The following CORO1C variants were observed in gnomAD, a reference collection of about 807,000 sequenced individuals.
The protein encoded by CORO1C is coronin 1C, also known as coronin-1C.
In CORO1C, 14 loss-of-function variants were observed where a neutral mutation model predicts 51.2. That is an observed-to-expected ratio of 0.27 (90% confidence interval 0.18 to 0.43). The LOEUF is 0.43. Ranked by LOEUF, CORO1C falls within the 20% of genes least tolerant of loss-of-function variation. CORO1C has a pLI of 1.00. For synonymous variants in CORO1C, 181 were observed against 210.5 expected, an observed-to-expected ratio of 0.86 and a Z score of 1.21; for missense variants, 417 against 607.8, an observed-to-expected ratio of 0.69 and a Z score of 3.30.
At chr12:108,652,211 G>A (rs2032705146) in intron 8 of CORO1C, 61 bp downstream of exon 8, 2 of 1,514,104 alleles carry the variant, frequency 1.3e-6, no homozygotes, top group Non-Finnish European at 1.8e-6. Flanking sequence ...GCTAGTCCAA[G>A]TACAAATAAT....
chr12:108,678,164 G>A (rs1460235869), intron 3 of CORO1C, 108 bp downstream of exon 3: 52 of 917,652 alleles, frequency 5.7e-5, no homozygotes, highest in Non-Finnish European at 7.7e-5. Flanking sequence ...CTGCTATAAC[G>A]TTCTGCTTTT....
intron 3 of CORO1C, among the ~76,000 whole-genome samples, chr12:108,666,408 G>A (rs187308846): frequency 2.9e-4 from 44 of 152,224 alleles, no homozygotes; most frequent in Non-Finnish European, 4.1e-4. Flanking sequence ...TGTTCTCTAC[G>A]GTGGACTGTG....
intron 2 of CORO1C, among the ~76,000 whole-genome samples, chr12:108,689,031 A>AG (rs1273830048): frequency 1.1e-5 from 1 of 89,450 alleles, no homozygotes; most frequent in Admixed American, 1.3e-4. Flanking sequence ...ACTCTGTCTC[A>AG]GAAAAAAAAA....
intron 2 of CORO1C, among the ~76,000 whole-genome samples, chr12:108,683,039 A>G (rs2034176125): frequency 6.6e-6 from 1 of 152,230 alleles, no homozygotes; most frequent in South Asian, 2.1e-4. Context: ...TTAAATGCAT[A>G]TAGTAGAAAA....
chr12:108,681,369 C>T (rs1472168413), intron 2 of CORO1C, among the ~76,000 whole-genome samples: 2 of 152,146 alleles, frequency 1.3e-5, no homozygotes, highest in Admixed American at 1.3e-4. Flanking sequence ...ATCCCACCTC[C>T]GGCAGTATAA....
chr12:108,681,421 A>T (rs2034119709), intron 2 of CORO1C, among the ~76,000 whole-genome samples: 1 of 152,228 alleles, frequency 6.6e-6, no homozygotes, highest in African/African-American at 2.4e-5. Context: ...AGTGCAATTT[A>T]GAACACCTAA....
At chr12:108,650,515 T>C (rs936549288) in intron 8 of CORO1C, among the ~76,000 whole-genome samples, 8 of 152,246 alleles carry the variant, frequency 5.3e-5, no homozygotes, top group Admixed American at 5.2e-4. Flanking sequence ...ATGAAAATTC[T>C]GTGGTTAGTA....
chr12:108,694,746 G>C (rs1213988877), intron 2 of CORO1C, among the ~76,000 whole-genome samples: 2 of 152,066 alleles, frequency 1.3e-5, no homozygotes, highest in Admixed American at 6.6e-5. Flanking sequence ...ATTCACTTAG[G>C]ACTTAAGAAT....
chr12:108,678,224 T>C, intron 3 of CORO1C, 48 bp downstream of exon 3: 1 of 1,572,546 alleles, frequency 6.4e-7, no homozygotes, highest in Non-Finnish European at 8.6e-7. Context: ...TTGAAAGCAG[T>C]AGGTGAGTCT....
At chr12:108,652,973 ATATC>A (rs2136797422) in intron 7 of CORO1C, 1 of 153,138 alleles carries the variant, frequency 6.5e-6, no homozygotes, top group Admixed American at 6.5e-5. Context: ...GAATAGTCAG[ATATC>A]TTTGAGTACT....
chr12:108,676,904 T>C (rs1223262754), intron 3 of CORO1C, among the ~76,000 whole-genome samples: 1 of 152,176 alleles, frequency 6.6e-6, no homozygotes, highest in African/African-American at 2.4e-5. Context: ...CACAGCAGCG[T>C]ATTTCCTTAA....
At chr12:108,730,074 G>A (rs2035682947) in intron 1 of CORO1C, 1 of 152,280 alleles carries the variant, frequency 6.6e-6, no homozygotes, top group African/African-American at 2.4e-5. Flanking sequence ...CCCAGGACCA[G>A]TTTATTAAAC....
chr12:108,652,311 G>A lies in CORO1C; in HGVS notation c.962C>T (p.Pro321Leu). The change falls in exon 8 of 11, where the codon CCC becomes CTC. Residue 321 changes from proline to leucine, a missense_variant. Physicochemically the swap from Pro to Leu is moderately conservative, Grantham distance 98. Coordinates refer to ENST00000261401, the MANE Select transcript of CORO1C (RefSeq NM_014325.4). ...TTTGTTAACATCAAGTCCCCTCTTG[G>A]GCATGTAACCCATCCCTCTCTGAGG... ...KEPQRGMGYM[P>L]KRGLDVNKCE... The A allele has an allele frequency of 6.2e-7, 1 of 1,613,914 alleles. No homozygotes were observed. The highest frequency in any genetic ancestry group is 1.1e-5 in the South Asian group (1 of 91,060).
At chr12:108,663,634 T>C (rs73406580) in intron 3 of CORO1C, among the ~76,000 whole-genome samples, 4,630 of 152,186 alleles carry the variant, frequency 0.03, 234 homozygotes, top group African/African-American at 0.11. Context: ...AATAGGCAAA[T>C]CCGTAAAGAC....
At position 108,666,126 on chromosome 12, in the gene CORO1C, G is replaced by C. The variant is rs191665085; in HGVS notation, c.319-3968C>G. Among the ~76,000 whole-genome samples the C allele has an allele frequency of 5.5e-3, 833 of 152,336 alleles. 2 individuals are homozygous for C. The highest frequency in any genetic ancestry group is 9.8e-3 in the Non-Finnish European group (665 of 68,030). On this transcript the variant is annotated intron_variant, in intron 3 of 10. Transcript: ENST00000261401. Reference sequence around the variant, plus strand: ...CTCTAAGGATGAACAAGACTTAGGTGAAAGTAGAGCAGAATATGAGGAGAA... The same window carrying C: ...CTCTAAGGATGAACAAGACTTAGGTCAAAGTAGAGCAGAATATGAGGAGAA...
intron 1 of CORO1C, among the ~76,000 whole-genome samples, chr12:108,709,885 T>C (rs371399284): frequency 5.3e-5 from 8 of 152,342 alleles, no homozygotes; most frequent in Admixed American, 2.6e-4. Flanking sequence ...TAAAACTGCA[T>C]AGGCTTTCCC....
At chr12:108,688,496 A>G (rs2034380350) in intron 2 of CORO1C, among the ~76,000 whole-genome samples, 1 of 152,248 alleles carries the variant, frequency 6.6e-6, no homozygotes, top group Admixed American at 6.5e-5. Context: ...TATGTCCTAC[A>G]TATTACAAAA....
chr12:108,723,023 C>T (rs375429071), intron 1 of CORO1C, among the ~76,000 whole-genome samples: 5 of 152,208 alleles, frequency 3.3e-5, no homozygotes, highest in South Asian at 4.1e-4. Flanking sequence ...AAACAGACAA[C>T]GTGCATCTTA....
intron 3 of CORO1C, among the ~76,000 whole-genome samples, chr12:108,676,542 CG>C (rs943779586): frequency 6.6e-6 from 1 of 151,774 alleles, no homozygotes; most frequent in Non-Finnish European, 1.5e-5. Flanking sequence ...GAGGCTGAGG[CG>C]GGGGGATCAC....
Sources: gnomAD v4.1 joint callset for allele counts (sites outside exome capture counted in the v4.1 genomes callset) on GRCh38, gnomAD v4.1.1 for gene constraint, MANE v1.5 for transcripts, NCBI Gene and HGNC (gene_info 2026-07-23, HGNC 2026-07-21) for gene names.